Variants in CRB1 observed in about 807,000 individuals in gnomAD.
The protein encoded by CRB1 is protein crumbs homolog 1.
In CRB1, 83 loss-of-function variants were observed where a neutral mutation model predicts 120.0. That is an observed-to-expected ratio of 0.69 (90% CI 0.58 to 0.83). CRB1 has a LOEUF of 0.83. Ranked by LOEUF, CRB1 falls within the 40% of genes least tolerant of loss-of-function variation. The probability of loss-of-function intolerance (pLI) is 0.00; values close to 1 mark genes in which losing one functional copy is unlikely to be tolerated. For synonymous variants in CRB1, 625 were observed against 612.5 expected, an observed-to-expected ratio of 1.02 and a Z score of -0.30; for missense variants, 1,699 against 1,687.6, an observed-to-expected ratio of 1.01 and a Z score of -0.12.
At chr1:197,260,159 A>AAG in the CRB1 span, among the ~76,000 whole-genome samples, 1 of 150,584 alleles carries the variant, frequency 6.6e-6, no homozygotes, top group African/African-American at 2.5e-5. Flanking sequence ...TAAAAAAAGA[A>AAG]AGAGAGAGAG....
intron 5 of CRB1, among the ~76,000 whole-genome samples, chr1:197,406,682 C>T (rs1252918665): frequency 6.6e-6 from 1 of 152,118 alleles, no homozygotes; most frequent in Admixed American, 6.5e-5. Flanking sequence ...ATAAATTTAA[C>T]ATTTCAAATA....
intron 1 of CRB1, among the ~76,000 whole-genome samples, chr1:197,313,242 G>A (rs1365326998): frequency 1.3e-5 from 2 of 152,144 alleles, no homozygotes; most frequent in Non-Finnish European, 2.9e-5. Context: ...CTGCTCCCAT[G>A]ATCCAATCAC....
In CRB1 at chr1:197,435,004, G is replaced by C. The variant is rs1216899841; in HGVS notation, c.3141G>C (p.Gln1047His). 6.2e-7 allele frequency: 1 copy of C among 1,613,918 alleles called. No individual in the cohort carries two copies. Among genetic ancestry groups the C allele is most frequent in the South Asian group, 1.1e-5 (1 of 91,078 alleles). ...TTTCCATGACAGACCCACTGTCCCA[G>C]ACCTCCAGGTGGCAAATGGAAGTGG... ...VTLSMTDPLSQTSRWQMEVDN... is the reference protein window; with the variant it reads ...VTLSMTDPLSHTSRWQMEVDN... Residue 1047 changes from glutamine to histidine, a missense_variant, in exon 9 of 12, where the codon CAG becomes CAC. Coordinates refer to ENST00000367400, the MANE Select transcript of CRB1 (RefSeq NM_201253.3).
intron 5 of CRB1, among the ~76,000 whole-genome samples, chr1:197,390,678 G>C (rs145470427): frequency 0.011 from 1,654 of 152,042 alleles, 27 homozygotes; most frequent in African/African-American, 0.038. Context: ...TTAAACCAGA[G>C]TAAATATAAT....
intron 2 of CRB1, among the ~76,000 whole-genome samples, chr1:197,334,324 A>T (rs2125313157): frequency 6.6e-6 from 1 of 152,332 alleles, no homozygotes; most frequent in Middle Eastern, 3.4e-3. Flanking sequence ...TAACAGTTCT[A>T]GGTACTTGAT....
At chr1:197,310,280 G>A (rs1657437362) in intron 1 of CRB1, among the ~76,000 whole-genome samples, 1 of 152,108 alleles carries the variant, frequency 6.6e-6, no homozygotes, top group South Asian at 2.1e-4. Context: ...GCAATTTTCG[G>A]AATAGAAAAA....
At chr1:197,214,319 A>G in the CRB1 span, among the ~76,000 whole-genome samples, 31 of 152,230 alleles carry the variant, frequency 2.0e-4, no homozygotes, top group African/African-American at 5.8e-4. Flanking sequence ...TTTTTTCAAT[A>G]TATACAGTCT....
intron 1 of CRB1, among the ~76,000 whole-genome samples, chr1:197,299,633 A>C (rs482526): frequency 0.7 from 105,558 of 151,846 alleles, 36,931 homozygotes; most frequent in East Asian, 0.94. Context: ...AAGGAAAAAA[A>C]AAACTGTAGT....
chr1:197,357,820 T>C (rs551603119), intron 5 of CRB1: 1 of 152,264 alleles, frequency 6.6e-6, no homozygotes, highest in Non-Finnish European at 1.5e-5. Flanking sequence ...AATGTTTCAG[T>C]TTTGAAATTT....
upstream of CRB1, among the ~76,000 whole-genome samples, chr1:197,266,841 A>T (rs1459617112): frequency 1.3e-5 from 2 of 150,914 alleles, no homozygotes; most frequent in Non-Finnish European, 3.0e-5. Context: ...GAGTCTATTC[A>T]TTTTTTTTTC....
chr1:197,468,224 T>C (rs1308867611), intron 11 of CRB1, among the ~76,000 whole-genome samples: 2 of 152,010 alleles, frequency 1.3e-5, no homozygotes, highest in African/African-American at 4.8e-5. Flanking sequence ...CACCTTCCTT[T>C]CTCCTTGTTT....
intron 1 of CRB1, among the ~76,000 whole-genome samples, chr1:197,270,927 A>G (rs1408183789): frequency 1.3e-5 from 2 of 152,186 alleles, no homozygotes; most frequent in African/African-American, 4.8e-5. Context: ...TTATCCAGGT[A>G]TGGTGGCTCA....
chr1:197,203,021 A>G, the CRB1 span, among the ~76,000 whole-genome samples: 1 of 151,898 alleles, frequency 6.6e-6, no homozygotes, highest in Non-Finnish European at 1.5e-5. Flanking sequence ...GAGAGATACA[A>G]CTGAATTGGA....
intron 11 of CRB1, among the ~76,000 whole-genome samples, chr1:197,467,813 T>C (rs1046418643): frequency 6.6e-6 from 1 of 152,214 alleles, no homozygotes; most frequent in Non-Finnish European, 1.5e-5. Flanking sequence ...ATAATGAAGC[T>C]ACTATGTTGA....
chr1:197,236,963 A>C, the CRB1 span, among the ~76,000 whole-genome samples: 1 of 151,908 alleles, frequency 6.6e-6, no homozygotes, highest in African/African-American at 2.4e-5. Flanking sequence ...TGTTAGGGAG[A>C]AATATTGGCC....
At chr1:197,230,843 G>A in the CRB1 span, among the ~76,000 whole-genome samples, 1 of 152,100 alleles carries the variant, frequency 6.6e-6, no homozygotes, top group Non-Finnish European at 1.5e-5. Flanking sequence ...GCTAAATCTT[G>A]GCTTTGCAAT....
At chr1:197,387,994 C>T (rs1420910484) in intron 5 of CRB1, among the ~76,000 whole-genome samples, 1 of 151,664 alleles carries the variant, frequency 6.6e-6, no homozygotes, top group African/African-American at 2.4e-5. Flanking sequence ...TCATCTCTCT[C>T]TCTCTCTATA....
At chr1:197,351,806 G>A (rs1660127316) in intron 4 of CRB1, among the ~76,000 whole-genome samples, 1 of 152,160 alleles carries the variant, frequency 6.6e-6, no homozygotes, top group African/African-American at 2.4e-5. Context: ...GGACAGTTCT[G>A]CCTCTGGGTT....
intron 5 of CRB1, among the ~76,000 whole-genome samples, chr1:197,377,122 A>G (rs1441357609): frequency 6.6e-6 from 1 of 152,092 alleles, no homozygotes; most frequent in Non-Finnish European, 1.5e-5. Context: ...CTGCACCCCA[A>G]CACATACAAA....
Sources: allele counts gnomAD v4.1 joint callset (sites outside exome capture counted in the v4.1 genomes callset), GRCh38; gene constraint gnomAD v4.1.1; transcripts MANE v1.5; gene names NCBI Gene and HGNC (gene_info 2026-07-23, HGNC 2026-07-21).